Variants in LYPD6B observed in about 807,000 individuals in gnomAD.
The protein encoded by LYPD6B is ly6/PLAUR domain-containing protein 6B.
Under a neutral mutation model 22.8 loss-of-function variants are expected in LYPD6B, and 17 were observed. The observed-to-expected ratio is 0.75, with a 90% CI of 0.51 to 1.12. LYPD6B has a LOEUF of 1.12. Among genes scored for constraint, LYPD6B ranks in the 50% most tolerant of loss-of-function variants. LYPD6B has a pLI of 0.00. For synonymous variants in LYPD6B, 106 were observed against 91.6 expected, an observed-to-expected ratio of 1.16 and a Z score of -0.90; for missense variants, 221 against 258.3, an observed-to-expected ratio of 0.86 and a Z score of 0.99.
At chr2:149,195,730 G>A (rs1423194391) in intron 3 of LYPD6B, among the ~76,000 whole-genome samples, 1 of 152,116 alleles carries the variant, frequency 6.6e-6, no homozygotes, top group Non-Finnish European at 1.5e-5. Flanking sequence ...CATCCATAGA[G>A]GAACAATAAA....
chr2:149,140,893 A>G (rs1375998147), intron 2 of LYPD6B, among the ~76,000 whole-genome samples: 1 of 152,176 alleles, frequency 6.6e-6, no homozygotes, highest in Non-Finnish European at 1.5e-5. Flanking sequence ...GCAAAAATAA[A>G]CACTTTAGAA....
intron 2 of LYPD6B, among the ~76,000 whole-genome samples, chr2:149,133,188 C>T (rs949720150): frequency 2.6e-5 from 4 of 152,088 alleles, no homozygotes; most frequent in African/African-American, 9.7e-5. Context: ...CCTCTGTAGT[C>T]AGTTTAATGA....
At chr2:149,141,719 G>A (rs1406767453) in intron 2 of LYPD6B, among the ~76,000 whole-genome samples, 1 of 152,004 alleles carries the variant, frequency 6.6e-6, no homozygotes, top group Non-Finnish European at 1.5e-5. Flanking sequence ...ATTTCCCAGG[G>A]CAACTATAAC....
chr2:149,151,029 G>GA (rs933392112), intron 2 of LYPD6B, among the ~76,000 whole-genome samples: 1 of 151,830 alleles, frequency 6.6e-6, no homozygotes, highest in African/African-American at 2.4e-5. Flanking sequence ...TATCTTTTGA[G>GA]AAAAAAATAC....
chr2:149,094,450 C>G (rs991237025), intron 1 of LYPD6B, among the ~76,000 whole-genome samples: 3 of 152,130 alleles, frequency 2.0e-5, no homozygotes, highest in African/African-American at 7.2e-5. Context: ...GCTGAAAAAT[C>G]CTCCTGAACC....
chr2:149,061,980 T>G (rs1284157872), intron 1 of LYPD6B, among the ~76,000 whole-genome samples: 1 of 152,028 alleles, frequency 6.6e-6, no homozygotes, highest in Admixed American at 6.6e-5. Context: ...ATCTTTTTTT[T>G]TTTTTTGAGA....
At chr2:149,072,921 A>C (rs1165016700) in intron 1 of LYPD6B, among the ~76,000 whole-genome samples, 7 of 152,172 alleles carry the variant, frequency 4.6e-5, no homozygotes, top group African/African-American at 1.7e-4. Context: ...AATGCTTTGA[A>C]GGTACTTATG....
intron 1 of LYPD6B, among the ~76,000 whole-genome samples, chr2:149,095,992 GAC>G (rs1200745568): frequency 2.0e-5 from 3 of 151,698 alleles, no homozygotes; most frequent in African/African-American, 7.3e-5. Context: ...AGAGACAGGA[GAC>G]ACAGACACAC....
At chr2:149,206,438 A>G (rs1693511138) in intron 4 of LYPD6B, among the ~76,000 whole-genome samples, 1 of 152,190 alleles carries the variant, frequency 6.6e-6, no homozygotes, top group African/African-American at 2.4e-5. Context: ...TATACTACAC[A>G]TACACACCTT....
chr2:149,127,109 G>T (rs1687745683), intron 1 of LYPD6B, among the ~76,000 whole-genome samples: 1 of 150,170 alleles, frequency 6.7e-6, no homozygotes, highest in Admixed American at 6.6e-5. Context: ...GTCTCTTTTT[G>T]TTTGTTCATT....
intron 3 of LYPD6B, among the ~76,000 whole-genome samples, chr2:149,200,906 G>A (rs537538216): frequency 3.3e-5 from 5 of 152,260 alleles, no homozygotes; most frequent in East Asian, 1.9e-4. Flanking sequence ...TGTATCTTCC[G>A]AAGGGAGGAC....
intron 1 of LYPD6B, among the ~76,000 whole-genome samples, chr2:149,087,463 G>A (rs1167681755): frequency 1.3e-5 from 2 of 152,160 alleles, no homozygotes; most frequent in Non-Finnish European, 2.9e-5. Flanking sequence ...TGCTTTGGGA[G>A]GCTGAGGCAG....
At chr2:149,148,363 A>G (rs1382701055) in intron 2 of LYPD6B, among the ~76,000 whole-genome samples, 1 of 152,206 alleles carries the variant, frequency 6.6e-6, no homozygotes, top group Admixed American at 6.5e-5. Context: ...GTGACTGACA[A>G]GAGATTAAAG....
intron 3 of LYPD6B, among the ~76,000 whole-genome samples, chr2:149,173,406 T>C (rs1212434141): frequency 7.2e-6 from 1 of 138,204 alleles, no homozygotes. Flanking sequence ...GTAGCTGCCA[T>C]TCCTGGCTTT....
intron 2 of LYPD6B, among the ~76,000 whole-genome samples, chr2:149,148,798 G>T (rs747340039): frequency 1.3e-5 from 2 of 152,200 alleles, no homozygotes; most frequent in Non-Finnish European, 2.9e-5. Flanking sequence ...GGATGCAATG[G>T]CTCACAGGTG....
chr2:149,136,667 G>A (rs1313282872), intron 2 of LYPD6B, among the ~76,000 whole-genome samples: 1 of 152,238 alleles, frequency 6.6e-6, no homozygotes, highest in Non-Finnish European at 1.5e-5. Context: ...TAGTTTAGAA[G>A]GATATGGCTC....
chr2:149,198,145 T>C (rs903925829), intron 3 of LYPD6B, among the ~76,000 whole-genome samples: 2 of 151,906 alleles, frequency 1.3e-5, no homozygotes, highest in East Asian at 3.9e-4. Flanking sequence ...TAGGTTCAAG[T>C]GATTCTCCTG....
At chr2:149,078,869 G>A (rs1200407960) in intron 1 of LYPD6B, among the ~76,000 whole-genome samples, 1 of 152,060 alleles carries the variant, frequency 6.6e-6, no homozygotes, top group Admixed American at 6.5e-5. Flanking sequence ...TTAGCAGGGT[G>A]TGGTAGCTTG....
At chr2:149,092,520 T>C (rs1685704112) in intron 1 of LYPD6B, among the ~76,000 whole-genome samples, 1 of 152,186 alleles carries the variant, frequency 6.6e-6, no homozygotes, top group Non-Finnish European at 1.5e-5. Context: ...ATATCTGCTC[T>C]TCCTTAAAAA....
Sources: gnomAD v4.1 joint callset for allele counts (sites outside exome capture counted in the v4.1 genomes callset) on GRCh38, gnomAD v4.1.1 for gene constraint, MANE v1.5 for transcripts, NCBI Gene and HGNC (gene_info 2026-07-23, HGNC 2026-07-21) for gene names.